The following REDIC1 variants were observed in gnomAD, a reference collection of about 807,000 sequenced individuals.
REDIC1 encodes the protein regulator of DNA class I crossover intermediates 1, also known as HEI10 Interacting Protein 1.
the REDIC1 span, among the ~76,000 whole-genome samples, chr12:39,778,463 T>A: frequency 6.6e-6 from 1 of 152,280 alleles, no homozygotes; most frequent in Admixed American, 6.5e-5. Flanking sequence ...ACGAAGTTAG[T>A]TATTTCTTTG....
At chr12:39,877,461 C>T in the REDIC1 span, among the ~76,000 whole-genome samples, 1 of 152,312 alleles carries the variant, frequency 6.6e-6, no homozygotes, top group Admixed American at 6.5e-5. Flanking sequence ...ATTACAGGAG[C>T]TACAATTCAA....
the REDIC1 span, among the ~76,000 whole-genome samples, chr12:39,711,308 GTATA>G: frequency 6.9e-6 from 1 of 144,776 alleles, no homozygotes; most frequent in East Asian, 2.0e-4. Flanking sequence ...ACATATATGT[GTATA>G]TATCCATATA....
chr12:39,835,006 A>G, the REDIC1 span, among the ~76,000 whole-genome samples: 383 of 152,220 alleles, frequency 2.5e-3, 1 homozygote, highest in African/African-American at 8.6e-3. Context: ...TTTGCTCTTT[A>G]AGCCTTTCTT....
At chr12:39,836,694 AACAG>A in the REDIC1 span, among the ~76,000 whole-genome samples, 1 of 121,626 alleles carries the variant, frequency 8.2e-6, no homozygotes, top group African/African-American at 3.2e-5. Flanking sequence ...ATACACCAAC[AACAG>A]ACAAACAGAG....
chr12:39,812,497 G>T, the REDIC1 span, among the ~76,000 whole-genome samples: 1 of 147,524 alleles, frequency 6.8e-6, no homozygotes, highest in Non-Finnish European at 1.5e-5. Context: ...TTGTGAGATA[G>T]ATGCTTGCTC....
At chr12:39,650,214 A>G in the REDIC1 span, 1 of 1,539,814 alleles carries the variant, frequency 6.5e-7, no homozygotes, top group Non-Finnish European at 8.7e-7. This position sits in a 1 kb window ranked among gnomAD's most constrained non-coding sequence, Gnocchi z 4.3. Flanking sequence ...CTATTTTGGC[A>G]GTTTCTTCAA....
chr12:39,797,687 T>A, the REDIC1 span, among the ~76,000 whole-genome samples: 2 of 148,170 alleles, frequency 1.3e-5, no homozygotes, highest in Non-Finnish European at 1.5e-5. Context: ...TCAAATAAAA[T>A]GAAAAGCTAA....
chr12:39,712,933 GTA>G, the REDIC1 span, among the ~76,000 whole-genome samples: 8 of 145,608 alleles, frequency 5.5e-5, no homozygotes, highest in Non-Finnish European at 9.1e-5. Context: ...GCATATACGT[GTA>G]TATACGTGTA....
At chr12:39,713,649 C>T in the REDIC1 span, among the ~76,000 whole-genome samples, 3 of 141,578 alleles carry the variant, frequency 2.1e-5, no homozygotes, top group Admixed American at 2.1e-4. Flanking sequence ...GTATATATAC[C>T]TGTATACATG....
At chr12:39,674,805 T>C in the REDIC1 span, among the ~76,000 whole-genome samples, 2 of 152,156 alleles carry the variant, frequency 1.3e-5, no homozygotes, top group Non-Finnish European at 2.9e-5. Context: ...TTGGGGAAGG[T>C]ACCCAGTGGA....
the REDIC1 span, among the ~76,000 whole-genome samples, chr12:39,682,152 C>A: frequency 2.0e-5 from 3 of 151,872 alleles, no homozygotes; most frequent in Non-Finnish European, 4.4e-5. Context: ...GTTTTTATAT[C>A]CATATTAGGT....
the REDIC1 span, chr12:39,830,455 G>C: frequency 8.1e-7 from 1 of 1,241,962 alleles, no homozygotes; most frequent in Non-Finnish European, 1.0e-6. Flanking sequence ...GTCACTTTGA[G>C]CTGAAGGAGG....
At chr12:39,866,605 G>A in the REDIC1 span, among the ~76,000 whole-genome samples, 1 of 151,990 alleles carries the variant, frequency 6.6e-6, no homozygotes, top group Admixed American at 6.5e-5. Flanking sequence ...TCAGCCTCTG[G>A]AGTAGCTGGG....
At chr12:39,635,446 T>C in the REDIC1 span, among the ~76,000 whole-genome samples, 1 of 152,236 alleles carries the variant, frequency 6.6e-6, no homozygotes, top group Non-Finnish European at 1.5e-5. Context: ...ATATACACCA[T>C]GGAATACTAT....
chr12:39,826,854 A>ATTTT, the REDIC1 span, among the ~76,000 whole-genome samples: 69 of 67,392 alleles, frequency 1.0e-3, no homozygotes, highest in African/African-American at 4.2e-3. Context: ...GTCTCTTTCA[A>ATTTT]TTTTTTTTTT....
the REDIC1 span, among the ~76,000 whole-genome samples, chr12:39,635,837 T>G: frequency 6.6e-6 from 1 of 152,078 alleles, no homozygotes; most frequent in Non-Finnish European, 1.5e-5. Context: ...ATGGTATTTA[T>G]AATATTGCTT....
chr12:39,877,458 GA>G, the REDIC1 span, among the ~76,000 whole-genome samples: 1 of 152,152 alleles, frequency 6.6e-6, no homozygotes, highest in Non-Finnish European at 1.5e-5. Flanking sequence ...GGTATTACAG[GA>G]GCTACAATTC....
chr12:39,751,663 C>T, the REDIC1 span, among the ~76,000 whole-genome samples: 2 of 152,120 alleles, frequency 1.3e-5, no homozygotes, highest in African/African-American at 2.4e-5. Flanking sequence ...AAATGTCCAT[C>T]AATGATAGAC....
the REDIC1 span, chr12:39,646,611 T>C: frequency 2.7e-6 from 2 of 737,868 alleles, no homozygotes; most frequent in African/African-American, 1.9e-5. Flanking sequence ...ATTAAGACCT[T>C]CATCAAATGA....
Sources: allele counts gnomAD v4.1 joint callset (sites outside exome capture counted in the v4.1 genomes callset), GRCh38; gene constraint gnomAD v4.1.1; non-coding constraint Gnocchi (gnomAD v3.1); transcripts MANE v1.5; gene names NCBI Gene and HGNC (gene_info 2026-07-23, HGNC 2026-07-21).